AK3: variants seen among roughly 807,000 people sequenced by gnomAD.
The protein encoded by AK3 is GTP:AMP phosphotransferase AK3, mitochondrial.
In AK3, 27 loss-of-function variants were observed where a neutral mutation model predicts 23.7. The ratio of observed to expected loss-of-function variants is 1.14; its 90% CI spans 0.84 to 1.57. The LOEUF (loss-of-function observed/expected upper bound fraction) is 1.57. Among genes scored for constraint, AK3 ranks in the 40% most tolerant of loss-of-function variants. The pLI is 0.00. For missense variants in AK3, 406 were observed against 285.6 expected (o/e 1.42, Z -3.04); for synonymous variants, 159 against 116.0 (o/e 1.37, Z -2.38).
chr9:4,718,212 C>A (rs371798754), intron 4 of AK3, among the ~76,000 whole-genome samples: 1 of 152,328 alleles, frequency 6.6e-6, no homozygotes, highest in Non-Finnish European at 1.5e-5. Context: ...ACCAAGAGAA[C>A]GGCTACACTG....
At chr9:4,729,048 T>G (rs1842093355) in intron 1 of AK3, among the ~76,000 whole-genome samples, 1 of 147,962 alleles carries the variant, frequency 6.8e-6, no homozygotes, top group African/African-American at 2.5e-5. Context: ...TTTGCTCTTG[T>G]TGCCCAGGCT....
Position 4,725,982 on chromosome 9 carries a change from A to T in AK3, c.152-3357T>A, listed in dbSNP as rs148094909. ...AATAAAGTGAATATGTGAGTCACACAAATTTTTTGGTTTCTCGGTGCATAT... is the reference window on the plus strand; with the variant it reads ...AATAAAGTGAATATGTGAGTCACACTAATTTTTTGGTTTCTCGGTGCATAT... On this transcript the variant is annotated intron_variant, in intron 1 of 4. Transcript: ENST00000381809. 9.2e-3 allele frequency among the ~76,000 whole-genome samples: 1,404 copies of T among 152,202 alleles called. 17 individuals are homozygous for T. Among genetic ancestry groups the T allele is most frequent in the Non-Finnish European group, 0.015 (1,053 of 67,996 alleles).
Position 4,710,773 on chromosome 9 carries a change from G to T in AK3, c.*2203C>A, listed in dbSNP as rs1377772469. 1 of 152,036 alleles carries T rather than the reference G, an allele frequency of 6.6e-6. No individual in the cohort carries two copies. Among genetic ancestry groups the T allele is most frequent in the Non-Finnish European group, 1.5e-5 (1 of 68,024 alleles). The allele number at this position is 152,036 out of a possible 1,614,324, so 9.4% of individuals were successfully genotyped here. ...CAAAAAAATAAAATTAGCCAGGCATGGTGGTACATACCTGTAGTTTCAGCT... is the reference window on the plus strand; with the variant it reads ...CAAAAAAATAAAATTAGCCAGGCATTGTGGTACATACCTGTAGTTTCAGCT... On this transcript the variant is annotated 3_prime_UTR_variant, in exon 5 of 5. Coordinates refer to ENST00000381809, the MANE Select transcript of AK3 (RefSeq NM_016282.4).
rs1184538843 is a variant in AK3 at position 4,714,011 on chromosome 9, CCTACACATATACAG to C, written c.564-929_564-916del. Reference sequence around the variant, plus strand: ...ACACATATACGCCTACACATATACACCTACACATATACAGCTACACATATACATCTACACATATA... The same window carrying C: ...ACACATATACGCCTACACATATACACCTACACATATACATCTACACATATA... On this transcript the variant is annotated intron_variant, in intron 4 of 4. Coordinates refer to ENST00000381809, the MANE Select transcript of AK3 (RefSeq NM_016282.4). Among the ~76,000 whole-genome samples the C allele has an allele frequency of 4.4e-4, 42 of 95,598 alleles. 5 individuals are homozygous for C. In the East Asian group the frequency reaches 7.1e-3, roughly 16 times the overall value. 62.7% of individuals were successfully genotyped at this position (95,598 alleles called of 152,430 possible).
At position 4,719,203 on chromosome 9, in the gene AK3, T is replaced by A; in HGVS notation, c.376A>T (p.Thr126Ser). The A allele has an allele frequency of 6.2e-7, 1 of 1,611,904 alleles. No homozygotes were observed. ...CTGGCGGGATGAATCCAGCGAGCAG[T>A]AAGGCGTTGTTTAATGACCTCAAAG... ...VPFEVIKQRL[T>S]ARWIHPASGR... The change falls in exon 3 of 5, where the codon ACT (threonine) becomes TCT (serine). Residue 126 changes from threonine to serine, a missense_variant. Coordinates refer to ENST00000381809, the MANE Select transcript of AK3 (RefSeq NM_016282.4).
At chr9:4,713,566 C>T (rs1473103867) in intron 4 of AK3, among the ~76,000 whole-genome samples, 6 of 152,082 alleles carry the variant, frequency 3.9e-5, no homozygotes, top group African/African-American at 1.5e-4. Flanking sequence ...TTTGCAAAAG[C>T]TACTTTCTAA....
At chr9:4,719,932 G>A (rs773172270) in intron 2 of AK3, among the ~76,000 whole-genome samples, 3 of 148,790 alleles carry the variant, frequency 2.0e-5, no homozygotes, top group African/African-American at 5.0e-5. Flanking sequence ...TGGCATGATG[G>A]CAGGTCCCTG....
chr9:4,718,571 T>C (rs768510696), intron 3 of AK3, 34 bp from the exon 4 acceptor site: 2 of 1,431,180 alleles, frequency 1.4e-6, no homozygotes, highest in African/African-American at 1.4e-5. Flanking sequence ...GTATCAGATA[T>C]CATATTTCTG....
chr9:4,739,182 G>A (rs1034163847), intron 1 of AK3, among the ~76,000 whole-genome samples: 1 of 151,934 alleles, frequency 6.6e-6, no homozygotes, highest in Non-Finnish European at 1.5e-5. Context: ...TAGCAAGCAA[G>A]TCAAACAATC....
chr9:4,714,039 TCTACACATATACAC>T (rs1563781064), intron 4 of AK3, among the ~76,000 whole-genome samples: 212 of 3,722 alleles, frequency 0.057, 23 homozygotes, highest in African/African-American at 0.13. Context: ...CACATATACA[TCTACACATATACAC>T]CTACACATAT....
intron 1 of AK3, among the ~76,000 whole-genome samples, chr9:4,733,343 C>A (rs974193230): frequency 6.9e-6 from 1 of 144,906 alleles, no homozygotes; most frequent in Non-Finnish European, 1.5e-5. Context: ...TAAAAAAAAA[C>A]CTTTCTCAAA....
At chr9:4,720,444 G>C (rs911972175) in intron 2 of AK3, among the ~76,000 whole-genome samples, 1 of 152,186 alleles carries the variant, frequency 6.6e-6, no homozygotes, top group African/African-American at 2.4e-5. Flanking sequence ...AGCACTTTGA[G>C]AGGCTGAGGC....
chr9:4,734,318 A>ATAAATTATGTGGTT (rs56740996), intron 1 of AK3, among the ~76,000 whole-genome samples: 94,765 of 151,742 alleles, frequency 0.62, 30,005 homozygotes, highest in East Asian at 0.79. Context: ...CTATAAGAAA[A>ATAAATTATGTGGTT]TAAGCCCCCT....
chr9:4,717,189 C>T (rs1468106930), intron 4 of AK3, among the ~76,000 whole-genome samples: 1 of 152,142 alleles, frequency 6.6e-6, no homozygotes, highest in Admixed American at 6.5e-5. Context: ...GGTATTCTGG[C>T]TCCAGAGTCT....
chr9:4,738,140 T>A (rs1286176666), intron 1 of AK3, among the ~76,000 whole-genome samples: 1 of 152,200 alleles, frequency 6.6e-6, no homozygotes, highest in East Asian at 1.9e-4. Flanking sequence ...TAAAAATGTT[T>A]AATAACTATA....
chr9:4,722,921 T>G (rs1170137634), intron 1 of AK3, among the ~76,000 whole-genome samples: 6 of 152,146 alleles, frequency 3.9e-5, no homozygotes, highest in African/African-American at 1.4e-4. Flanking sequence ...CCGGACATGA[T>G]GGCGGGTGCC....
chr9:4,714,164 A>G (rs1221594226), intron 4 of AK3, among the ~76,000 whole-genome samples: 5 of 70,124 alleles, frequency 7.1e-5, no homozygotes, highest in Non-Finnish European at 1.2e-4. Flanking sequence ...ACATACACAC[A>G]CCTCCACACA....
intron 1 of AK3, among the ~76,000 whole-genome samples, chr9:4,730,251 T>C (rs556874890): frequency 6.6e-6 from 1 of 152,270 alleles, no homozygotes; most frequent in East Asian, 1.9e-4. Flanking sequence ...CTAAAATTGA[T>C]TGAGGTGATG....
chr9:4,735,667 C>T (rs1001100950), intron 1 of AK3, among the ~76,000 whole-genome samples: 2 of 149,696 alleles, frequency 1.3e-5, no homozygotes, highest in Admixed American at 1.3e-4. Context: ...CGGGGTCTCA[C>T]CATGTTGACC....
Sources: allele counts gnomAD v4.1 joint callset (sites outside exome capture counted in the v4.1 genomes callset), GRCh38; gene constraint gnomAD v4.1.1; transcripts MANE v1.5; gene names NCBI Gene and HGNC (gene_info 2026-07-23, HGNC 2026-07-21).